ATAD2: variants seen among roughly 807,000 people sequenced by gnomAD.
ATAD2 encodes the protein ATPase family AAA domain containing 2, also known as ATPase family AAA domain-containing protein 2.
A neutral mutation model predicts 168.9 loss-of-function variants in ATAD2; 62 were observed. The observed-to-expected ratio is 0.37, with a 90% confidence interval of 0.30 to 0.45. The LOEUF (loss-of-function observed/expected upper bound fraction) is 0.45. Among genes scored for constraint, ATAD2 ranks in the 20% least tolerant of loss-of-function variants. The pLI is 1.00. For missense variants in ATAD2, 1,419 were observed against 1,667.8 expected (o/e 0.85, Z 2.60); for synonymous variants, 613 against 571.6 (o/e 1.07, Z -1.03).
At chr8:123,338,262 G>A (rs747409720) in intron 20 of ATAD2, among the ~76,000 whole-genome samples, 3 of 152,084 alleles carry the variant, frequency 2.0e-5, no homozygotes, top group African/African-American at 4.8e-5. Flanking sequence ...GGCTGAGGCA[G>A]GAGAATGGCG....
rs747687880 is a variant in ATAD2 at position 123,396,401 on chromosome 8, C to A, written c.-44G>T. The A allele has an allele frequency of 1.9e-5, 28 of 1,505,146 alleles. No homozygotes were observed. The East Asian group carries it at 5.1e-4, about 27-fold the overall frequency. The allele number at this position is 1,505,146 out of a possible 1,614,324, so 93.2% of individuals were successfully genotyped here. A position where few individuals can be genotyped will look rare whatever the true frequency, so the allele number is the denominator to read the frequency against. On this transcript the variant is annotated 5_prime_UTR_variant, in exon 1 of 28. Transcript: ENST00000287394. ...TCGGCGTGCGCGACCGGAGAGAGAT[C>A]CAGCTCCAGGCGCTCGCAGCTCTGG...
chr8:123,363,431 C>T (rs972016106), intron 8 of ATAD2, among the ~76,000 whole-genome samples: 2 of 152,064 alleles, frequency 1.3e-5, no homozygotes, highest in Non-Finnish European at 2.9e-5. Context: ...GTAAATCCAG[C>T]CAAAAAGTCT....
In ATAD2 at chr8:123,371,273, T is replaced by C; in HGVS notation, c.602A>G (p.Glu201Gly). Residue 201 changes from glutamate (E) to glycine (G), a missense_variant, in exon 5 of 28, where the codon GAA becomes GGA. By Grantham distance (98) the Glu-to-Gly change is moderately conservative (BLOSUM62 -2). This residue lies in a region of ATAD2 where 419 missense variants were observed against 423.5 expected (regional missense o/e 0.99). Transcript: ENST00000287394. ...ATTAAACACTCCCAAGTCTTCAAGT[T>C]CTCTCATTCGCTGTCTACGCATCTT... is the stretch of plus-strand genomic sequence containing the variant. ...MKKMRRQRMR[E>G]LEDLGVFNET... 6.2e-7 allele frequency: 1 copy of C among 1,610,114 alleles called. No individual in the cohort carries two copies. Among genetic ancestry groups the C allele is most frequent in the Non-Finnish European group, 8.5e-7 (1 of 1,178,508 alleles).
intron 1 of ATAD2, among the ~76,000 whole-genome samples, chr8:123,411,541 T>C (rs893799849): frequency 6.6e-6 from 1 of 152,124 alleles, no homozygotes; most frequent in Non-Finnish European, 1.5e-5. Context: ...GCTTGCAACT[T>C]AGCTCAAACC....
chr8:123,321,196 G>A (rs1334108914), intron 27 of ATAD2, 21 bp from the exon 28 acceptor site: 1 of 1,595,772 alleles, frequency 6.3e-7, no homozygotes, highest in South Asian at 1.1e-5. Context: ...GGGAGGAAGA[G>A]CAAATAGTAA....
chr8:123,369,827 A>G lies in ATAD2; in HGVS notation c.925T>C (p.Leu309=). 2 of 1,609,106 alleles carry G rather than the reference A, an allele frequency of 1.2e-6. No homozygotes were observed. The highest frequency in any genetic ancestry group is 1.7e-5 in the Admixed American group (1 of 59,978). The part of the protein sequence containing the change: ...RKATVYYQAP[L]EKPRHQRKPN... ...GAGTATGTATAGCACTTACTTTCCA[A>G]TGGAGCCTGATAGTAAACAGTAGCT... Residue 309 remains leucine (L), a synonymous_variant, in exon 7 of 28, where the codon TTG becomes CTG. Coordinates refer to ENST00000287394, the MANE Select transcript of ATAD2 (RefSeq NM_014109.4).
rs533456232 is a variant in ATAD2, at chr8:123,396,408, C to T, written c.-51G>A. On this transcript the variant is annotated 5_prime_UTR_variant, in exon 1 of 28. Coordinates refer to ENST00000287394, the MANE Select transcript of ATAD2 (RefSeq NM_014109.4). ...GCGCGACCGGAGAGAGATCCAGCTC[C>T]AGGCGCTCGCAGCTCTGGCTCTTCC... is the stretch of plus-strand genomic sequence containing the variant. 1.1e-4 allele frequency: 159 copies of T among 1,471,630 alleles called. 1 individual carries two copies. In the Admixed American group the frequency reaches 3.1e-3, roughly 28 times the overall value. The allele number at this position is 1,471,630 out of a possible 1,614,324, so 91.2% of individuals were successfully genotyped here.
intron 1 of ATAD2, among the ~76,000 whole-genome samples, chr8:123,382,692 G>A (rs1162276753): frequency 1.3e-5 from 2 of 152,160 alleles, no homozygotes; most frequent in African/African-American, 4.8e-5. Flanking sequence ...AAAAAGTCAA[G>A]AAACAACAGA....
At chr8:123,394,067 CA>C (rs1296833749) in intron 1 of ATAD2, among the ~76,000 whole-genome samples, 1 of 150,792 alleles carries the variant, frequency 6.6e-6, no homozygotes, top group Non-Finnish European at 1.5e-5. Flanking sequence ...GAGGAGTCAA[CA>C]ACAACCTAAG....
At chr8:123,322,905 G>A (rs913667841) in intron 27 of ATAD2, 33 bp downstream of exon 27, 2 of 1,599,708 alleles carry the variant, frequency 1.3e-6, no homozygotes, top group South Asian at 2.2e-5. Flanking sequence ...GACCACAAGA[G>A]CATTTGTAAA....
chr8:123,401,614 C>T, intron 1 of ATAD2: 2 of 1,102,808 alleles, frequency 1.8e-6, no homozygotes, highest in Non-Finnish European at 2.8e-6. Flanking sequence ...ACTGTGTGTA[C>T]AAGGTGGCTG....
chr8:123,402,211 T>G lies in ATAD2; in HGVS notation c.-2281-1036A>C. 4.9e-6 allele frequency: 3 copies of G among 615,946 alleles called. No individual in the cohort carries two copies. The highest frequency in any genetic ancestry group is 1.8e-5 in the African/African-American group (1 of 54,814). The allele number at this position is 615,946 out of a possible 1,614,324, so 38.2% of individuals were successfully genotyped here. A position where few individuals can be genotyped will look rare whatever the true frequency, so the allele number is the denominator to read the frequency against. The stretch of plus-strand genomic sequence containing the variant: ...GTGGTCCACAGATTTGCACTACGGG[T>G]TCCCCAGCTCCTTTCCAGGGAGAGA... On this transcript the variant is annotated intron_variant, in intron 1 of 28. Coordinates refer to the ATAD2 transcript ENST00000521903. The surrounding 1 kb of genome is among the most constrained non-coding windows in gnomAD (Gnocchi z 4.8).
chr8:123,388,972 CT>C (rs530665232), intron 1 of ATAD2, among the ~76,000 whole-genome samples: 2,659 of 143,576 alleles, frequency 0.019, 75 homozygotes, highest in African/African-American at 0.057. Flanking sequence ...TCTTCTCTCT[CT>C]TTTTTTTTTT....
Position 123,396,413 on chromosome 8 carries a change from GC to G in ATAD2, c.-57del. 6.9e-7 allele frequency: 1 copy of G among 1,457,650 alleles called. No individual in the cohort carries two copies. Among genetic ancestry groups the G allele is most frequent in the Non-Finnish European group, 9.0e-7 (1 of 1,105,060 alleles). The allele number at this position is 1,457,650 out of a possible 1,614,324, so 90.3% of individuals were successfully genotyped here. ...ACCGGAGAGAGATCCAGCTCCAGGCGCTCGCAGCTCTGGCTCTTCCGCGCTC... is the reference window on the plus strand; with the variant it reads ...ACCGGAGAGAGATCCAGCTCCAGGCGTCGCAGCTCTGGCTCTTCCGCGCTC... On this transcript the variant is annotated 5_prime_UTR_variant, in exon 1 of 28. Coordinates refer to ENST00000287394, the MANE Select transcript of ATAD2 (RefSeq NM_014109.4).
chr8:123,359,159 G>GA, intron 11 of ATAD2, 62 bp downstream of exon 11: 1 of 1,235,476 alleles, frequency 8.1e-7, no homozygotes, highest in South Asian at 1.4e-5. Flanking sequence ...CAAGGTATAA[G>GA]AACTACAAGA....
chr8:123,404,369 T>C (rs1813042113), intron 1 of ATAD2, among the ~76,000 whole-genome samples: 1 of 152,144 alleles, frequency 6.6e-6, no homozygotes, highest in African/African-American at 2.4e-5. Flanking sequence ...AATCAAGGTG[T>C]TGGCCATGTT....
At chr8:123,384,018 T>C (rs1437833264) in intron 1 of ATAD2, among the ~76,000 whole-genome samples, 1 of 151,554 alleles carries the variant, frequency 6.6e-6, no homozygotes, top group Non-Finnish European at 1.5e-5. Context: ...GAGGCAGAGG[T>C]TGCAGTGAGC....
intron 1 of ATAD2, 43 bp downstream of exon 1, chr8:123,396,144 C>A (rs1053905152): frequency 4.0e-6 from 6 of 1,513,660 alleles, no homozygotes; most frequent in Non-Finnish European, 5.3e-6. Flanking sequence ...CCGGCAGTCC[C>A]CCCGGGAACC....
rs183057086 is a variant in ATAD2, at chr8:123,339,747, A to G, written c.2719-301T>C. 2.2e-3 allele frequency among the ~76,000 whole-genome samples: 330 copies of G among 152,348 alleles called. 1 individual carries two copies. Among genetic ancestry groups the G allele is most frequent in the African/African-American group, 7.7e-3 (321 of 41,580 alleles). ...TATTTTTAATGACAAGCTAAATTGTATATTTTTTAAACAAGTCTTTAAAGA... is the reference window on the plus strand; with the variant it reads ...TATTTTTAATGACAAGCTAAATTGTGTATTTTTTAAACAAGTCTTTAAAGA... On this transcript the variant is annotated intron_variant, in intron 19 of 27. Coordinates refer to ENST00000287394, the MANE Select transcript of ATAD2 (RefSeq NM_014109.4).
Sources: gnomAD v4.1 joint callset for allele counts (sites outside exome capture counted in the v4.1 genomes callset) on GRCh38, gnomAD v4.1.1 for gene constraint, gnomAD v4.1.1 regional missense constraint, Gnocchi (gnomAD v3.1) non-coding constraint, MANE v1.5 for transcripts, NCBI Gene and HGNC (gene_info 2026-07-23, HGNC 2026-07-21) for gene names.